The following MYO1E variants were observed in gnomAD, a reference collection of about 807,000 sequenced individuals.
MYO1E encodes myosin IE, also known as unconventional myosin-Ie.
Under a neutral mutation model 151.1 loss-of-function variants are expected in MYO1E, and 68 were observed. The ratio of observed to expected loss-of-function variants is 0.45; its 90% confidence interval spans 0.37 to 0.55. MYO1E has a LOEUF of 0.55. MYO1E is among the 20% of genes least tolerant of loss of function. The pLI, the probability that MYO1E is intolerant of heterozygous loss-of-function variation, is 0.00. For missense variants in MYO1E, 1,363 were observed against 1,389.3 expected (o/e 0.98, Z 0.30); for synonymous variants, 601 against 501.7 (o/e 1.20, Z -2.64).
At chr15:59,275,796 A>C (rs2080314846) in intron 1 of MYO1E, among the ~76,000 whole-genome samples, 1 of 152,250 alleles carries the variant, frequency 6.6e-6, no homozygotes, top group Non-Finnish European at 1.5e-5. Context: ...GCAAAGCTGG[A>C]AACCAAACAT....
At chr15:59,169,989 G>A (rs1384764356) in intron 22 of MYO1E, among the ~76,000 whole-genome samples, 2 of 152,052 alleles carry the variant, frequency 1.3e-5, no homozygotes, top group African/African-American at 4.8e-5. Flanking sequence ...GTGAAACCTT[G>A]TCTCTCACTA....
intron 13 of MYO1E, 31 bp downstream of exon 13, chr15:59,210,483 C>T (rs1175497776): frequency 1.5e-6 from 2 of 1,367,922 alleles, no homozygotes; most frequent in South Asian, 1.2e-5. Flanking sequence ...AACCTGTGAG[C>T]AGTGAAAAGA....
intron 26 of MYO1E, among the ~76,000 whole-genome samples, chr15:59,152,409 A>G (rs2079486854): frequency 6.6e-6 from 1 of 152,070 alleles, no homozygotes; most frequent in Non-Finnish European, 1.5e-5. Context: ...GGCTTGAGAG[A>G]GGGGAAGAGA....
chr15:59,259,552 G>A (rs1295540828), intron 3 of MYO1E, among the ~76,000 whole-genome samples: 2 of 152,120 alleles, frequency 1.3e-5, no homozygotes, highest in Non-Finnish European at 2.9e-5. Flanking sequence ...CTGGTCTCAA[G>A]TGCACAAACA....
chr15:59,234,712 C>T (rs1456019395), intron 5 of MYO1E, among the ~76,000 whole-genome samples: 6 of 150,178 alleles, frequency 4.0e-5, no homozygotes, highest in Non-Finnish European at 5.9e-5. Context: ...GTCCCAGCTA[C>T]TTGGGAGGTT....
intron 1 of MYO1E, among the ~76,000 whole-genome samples, chr15:59,324,223 T>C (rs1350348044): frequency 6.6e-6 from 1 of 152,186 alleles, no homozygotes; most frequent in Non-Finnish European, 1.5e-5. Context: ...ATTAATTCTA[T>C]TCTGCAGTGT....
intron 6 of MYO1E, among the ~76,000 whole-genome samples, chr15:59,231,386 A>G (rs1280631239): frequency 2.0e-5 from 3 of 152,204 alleles, no homozygotes; most frequent in African/African-American, 7.2e-5. Flanking sequence ...TTGGTCTGGG[A>G]AAGAAGGTCT....
At chr15:59,152,571 G>C (rs991405309) in intron 26 of MYO1E, among the ~76,000 whole-genome samples, 1 of 152,166 alleles carries the variant, frequency 6.6e-6, no homozygotes, top group Non-Finnish European at 1.5e-5. Context: ...CCCTGTCACC[G>C]TCATTACCAC....
At chr15:59,298,398 C>A (rs1484286) in intron 1 of MYO1E, among the ~76,000 whole-genome samples, 15,180 of 152,242 alleles carry the variant, frequency 0.1, 1,126 homozygotes, top group East Asian at 0.4. Context: ...ATCAGTGATA[C>A]TGCGTTCTAC....
chr15:59,346,704 AGGAG>A (rs2080796084), intron 1 of MYO1E, among the ~76,000 whole-genome samples: 4 of 152,178 alleles, frequency 2.6e-5, no homozygotes, highest in Non-Finnish European at 4.4e-5. Context: ...ACTAGAGCCC[AGGAG>A]TTCAAGACCA....
chr15:59,299,265 G>A (rs941444205), intron 1 of MYO1E, among the ~76,000 whole-genome samples: 9 of 152,212 alleles, frequency 5.9e-5, no homozygotes, highest in Admixed American at 4.6e-4. Context: ...CCCTTAGCTT[G>A]AGTAATGAGA....
Position 59,174,226 on chromosome 15 carries a change from T to G in MYO1E, c.2064A>C (p.Glu688Asp). Residue 688 changes from glutamate to aspartate, a missense_variant, in exon 20 of 28, where the codon GAA (glutamate) becomes GAC (aspartate). Glu to Asp is a conservative substitution (Grantham distance 45). Transcript: ENST00000288235. The stretch of plus-strand genomic sequence containing the variant: ...CATCATACTTTCTCTCTCTCATCTC[T>G]TCTAAAAGAAATAGCTGTGAATGGA... ...IKAPESLFLL[E>D]EMRERKYDGY... 1 of 1,612,550 alleles carries G rather than the reference T, an allele frequency of 6.2e-7. No individual in the cohort carries two copies. The highest frequency in any genetic ancestry group is 8.5e-7 in the Non-Finnish European group (1 of 1,178,660).
chr15:59,338,284 C>CTTTT lies in MYO1E; in HGVS notation c.3+34210_3+34213dup, dbSNP rs35457560. Among the ~76,000 whole-genome samples the CTTTT allele has an allele frequency of 1.7e-3, 221 of 128,640 alleles. 6 individuals are homozygous for CTTTT. Among genetic ancestry groups the CTTTT allele is most frequent in the South Asian group, 0.01 (40 of 3,974 alleles). The allele number at this position is 128,640 out of a possible 152,430, so 84.4% of individuals were successfully genotyped here. A position where few individuals can be genotyped will look rare whatever the true frequency, so the allele number is the denominator to read the frequency against. ...GCTATATAAACTAGATCAGTATTGA[C>CTTTT]TTTTTTTTTTTTTTTTTGCTTGAAA... On this transcript the variant is annotated intron_variant, in intron 1 of 27. Coordinates refer to ENST00000288235, the MANE Select transcript of MYO1E (RefSeq NM_004998.4).
intron 7 of MYO1E, among the ~76,000 whole-genome samples, chr15:59,226,720 T>A (rs1255242759): frequency 1.3e-5 from 2 of 152,194 alleles, no homozygotes; most frequent in Non-Finnish European, 2.9e-5. Flanking sequence ...GGCAGGGGGA[T>A]CATTTGAGCC....
chr15:59,223,092 C>A lies in MYO1E; in HGVS notation c.877G>T (p.Val293Phe), dbSNP rs2140349230. 6.2e-7 allele frequency: 1 copy of A among 1,614,028 alleles called. No individual in the cohort carries two copies. Among genetic ancestry groups the A allele is most frequent in the East Asian group, 2.2e-5 (1 of 44,876 alleles). The stretch of plus-strand genomic sequence containing the variant: ...CTCTCCACAGCCGCGTAGTTGCCAA[C>A]TTCTTTGAAGCTGATGTTTCCCAGG... ...LHLGNISFKE[V>F]GNYAAVESEE... The change falls in exon 9 of 28, where the codon GTT (valine) becomes TTT (phenylalanine). Residue 293 changes from valine (V) to phenylalanine (F), a missense_variant. Coordinates refer to ENST00000288235, the MANE Select transcript of MYO1E (RefSeq NM_004998.4).
At chr15:59,282,526 G>A (rs1477542552) in intron 1 of MYO1E, among the ~76,000 whole-genome samples, 1 of 152,024 alleles carries the variant, frequency 6.6e-6, no homozygotes, top group African/African-American at 2.4e-5. Flanking sequence ...CTAGAATGGT[G>A]GCTCCTATCT....
Position 59,255,589 on chromosome 15 carries a change from G to C in MYO1E, c.332+695C>G, listed in dbSNP as rs116795057. 6.3e-3 allele frequency among the ~76,000 whole-genome samples: 951 copies of C among 152,142 alleles called. 14 individuals carry two copies. The highest frequency in any genetic ancestry group is 0.022 in the African/African-American group (898 of 41,508). On this transcript the variant is annotated intron_variant, in intron 4 of 27. Transcript: ENST00000288235. ...TTTGTAAATAAGCAGAATTTTAAAAGCACTTAAGGCAGGAGTATCCAATCT... is the reference window on the plus strand; with the variant it reads ...TTTGTAAATAAGCAGAATTTTAAAACCACTTAAGGCAGGAGTATCCAATCT...
chr15:59,161,031 G>A (rs1374417191), intron 24 of MYO1E, 42 bp downstream of exon 24: 20 of 1,610,950 alleles, frequency 1.2e-5, no homozygotes, highest in Non-Finnish European at 1.7e-5. Context: ...AGACTCGGGG[G>A]AGCGGCGGCA....
chr15:59,218,171 G>A, intron 9 of MYO1E, 84 bp from the exon 10 acceptor site: 2 of 1,507,350 alleles, frequency 1.3e-6, no homozygotes. Flanking sequence ...AGGCACTTAT[G>A]TGCACATGCA....
Sources: allele counts gnomAD v4.1 joint callset (sites outside exome capture counted in the v4.1 genomes callset), GRCh38; gene constraint gnomAD v4.1.1; transcripts MANE v1.5; gene names NCBI Gene and HGNC (gene_info 2026-07-23, HGNC 2026-07-21).